The following SANBR variants were observed in gnomAD, a reference collection of about 807,000 sequenced individuals.
The protein encoded by SANBR is SANT and BTB domain regulator of CSR.
A neutral mutation model predicts 101.8 loss-of-function variants in SANBR; 77 were observed. The observed-to-expected ratio is 0.76, with a 90% CI of 0.63 to 0.91. SANBR has a LOEUF of 0.91. SANBR is among the 40% of genes least tolerant of loss of function. The pLI, the probability that SANBR is intolerant of heterozygous loss-of-function variation, is 0.00. For synonymous variants in SANBR, 279 were observed against 274.7 expected (o/e 1.02, Z -0.15); for missense variants, 875 against 853.0 (o/e 1.03, Z -0.32).
chr2:61,084,753 T>C (rs1318792926), intron 8 of SANBR, among the ~76,000 whole-genome samples: 5 of 152,094 alleles, frequency 3.3e-5, no homozygotes, highest in Admixed American at 2.0e-4. Context: ...ATGTGGAGAA[T>C]AGACATTAGG....
intron 13 of SANBR, among the ~76,000 whole-genome samples, chr2:61,105,973 G>T (rs1243031474): frequency 6.6e-6 from 1 of 152,108 alleles, no homozygotes; most frequent in Admixed American, 6.5e-5. Context: ...CCCAGCCAAG[G>T]CTGTTCTTAA....
intron 8 of SANBR, among the ~76,000 whole-genome samples, chr2:61,086,415 T>C: frequency 6.6e-6 from 1 of 152,228 alleles, no homozygotes; most frequent in South Asian, 2.1e-4. Flanking sequence ...TTGTAAATGC[T>C]ACTGTATTTC....
chr2:61,083,236 A>G lies in SANBR; in HGVS notation c.812A>G (p.Asn271Ser). ...TGCAACATGAACTGTATTAATGCAA[A>G]TCTTCTCACACGTATAGCTGATCTG... is the stretch of plus-strand genomic sequence containing the variant. ...TPCNMNCINA[N>S]LLTRIADLFS... is the part of the protein sequence containing the mutation. Residue 271 changes from asparagine to serine, a missense_variant, in exon 8 of 22, where the codon AAT (asparagine) becomes AGT (serine). By Grantham distance (46) the Asn-to-Ser change is conservative. Coordinates refer to ENST00000402291, the MANE Select transcript of SANBR (RefSeq NM_001129993.3). The G allele has an allele frequency of 6.2e-7, 1 of 1,610,788 alleles. No homozygotes were observed.
rs1287722153 is a variant in SANBR at position 61,123,395 on chromosome 2, CTT to C, written c.*1236_*1237del. On this transcript the variant is annotated 3_prime_UTR_variant, in exon 22 of 22. Transcript: ENST00000402291. ...ACAGAAATCATTCTTTTTAGTGAGT[CTT>C]TTAGTTGATAAATGAAGCTAGATGT... 3 of 984,306 alleles carry C rather than the reference CTT, an allele frequency of 3.0e-6. No individual in the cohort carries two copies. The highest frequency in any genetic ancestry group is 4.7e-5 in the South Asian group (1 of 21,268). The allele number at this position is 984,306 out of a possible 1,614,324, so 61.0% of individuals were successfully genotyped here.
Position 61,076,935 on chromosome 2 carries a change from C to T in SANBR, c.447C>T (p.Ile149=), listed in dbSNP as rs1369306978. 6.2e-7 allele frequency: 1 copy of T among 1,612,780 alleles called. No individual in the cohort carries two copies. Among genetic ancestry groups the T allele is most frequent in the Admixed American group, 1.7e-5 (1 of 59,944 alleles). ...TTTTATGAAGGCCAAACATGGTGAT[C>T]CATGTGTGTGATGAAGCAAAAAACT... is the stretch of plus-strand genomic sequence containing the variant. ...TEESEGPNMV[I]HVCDEAKNLK... The change falls in exon 6 of 22, where the codon ATC becomes ATT. Residue 149 remains isoleucine (I), a synonymous_variant. Coordinates refer to ENST00000402291, the MANE Select transcript of SANBR (RefSeq NM_001129993.3).
At chr2:61,126,432 C>T (rs572381389), downstream of SANBR, among the ~76,000 whole-genome samples, 6 of 152,224 alleles carry the variant, frequency 3.9e-5, no homozygotes, top group South Asian at 2.1e-4. Flanking sequence ...AAGCGACGTT[C>T]GTGATTTTTC....
rs181385069 is a variant in SANBR at position 61,096,083 on chromosome 2, A to G, written c.1213-1617A>G. The stretch of plus-strand genomic sequence containing the variant: ...GCATGGTATTTCTTACAAACTTTCT[A>G]CCTCCCACTGGCTAATGGAATTGCC... On this transcript the variant is annotated intron_variant, in intron 11 of 21. Transcript: ENST00000402291. 3.3e-5 allele frequency among the ~76,000 whole-genome samples: 5 copies of G among 151,758 alleles called. No homozygotes were observed. In the East Asian group the frequency reaches 9.7e-4, roughly 29 times the overall value.
At chr2:61,110,164 T>G (rs1683761676) in intron 16 of SANBR, among the ~76,000 whole-genome samples, 2 of 152,216 alleles carry the variant, frequency 1.3e-5, no homozygotes, top group Non-Finnish European at 2.9e-5. Flanking sequence ...TCTGGCTTCT[T>G]TCTCTTAGTA....
At position 61,097,721 on chromosome 2, in the gene SANBR, T is replaced by C; in HGVS notation, c.1234T>C (p.Ser412Pro). ...CYQAFLCIEF[S>P]HCQYHSETVV... ...TCAGGCCTTTCTCTGTATTGAATTT[T>C]CACATTGTCAATACCACTCAGAAAC... The change falls in exon 12 of 22, where the codon TCA (serine) becomes CCA (proline). Residue 412 changes from serine (S) to proline (P), a missense_variant. Physicochemically the swap from Ser to Pro is moderately conservative, Grantham distance 74. Transcript: ENST00000402291. 1 of 1,605,192 alleles carries C rather than the reference T, an allele frequency of 6.2e-7. No individual in the cohort carries two copies. Among genetic ancestry groups the C allele is most frequent in the African/African-American group, 1.3e-5 (1 of 74,940 alleles).
downstream of SANBR, among the ~76,000 whole-genome samples, chr2:61,125,255 TTGTTA>T (rs1188236106): frequency 6.6e-6 from 1 of 152,242 alleles, no homozygotes; most frequent in Non-Finnish European, 1.5e-5. Context: ...TATTGTTGCA[TTGTTA>T]TGTTAACATG....
At chr2:61,130,520 T>TA (rs1402470904) in intron 20 of SANBR, among the ~76,000 whole-genome samples, 1 of 152,094 alleles carries the variant, frequency 6.6e-6, no homozygotes, top group Non-Finnish European at 1.5e-5. Context: ...ATCCTCAACA[T>TA]ACGCTAGCAC....
chr2:61,112,678 G>A (rs1218657770), intron 16 of SANBR, among the ~76,000 whole-genome samples: 2 of 152,090 alleles, frequency 1.3e-5, no homozygotes, highest in Admixed American at 1.3e-4. Context: ...ATTTTTAGTA[G>A]AGATGGGGTT....
chr2:61,126,847 A>G (rs1684529288), downstream of SANBR, among the ~76,000 whole-genome samples: 2 of 150,934 alleles, frequency 1.3e-5, no homozygotes, highest in African/African-American at 4.9e-5. Context: ...CTCAGACTTC[A>G]TTTTCCATCT....
chr2:61,100,429 C>T (rs763249377), intron 12 of SANBR, among the ~76,000 whole-genome samples: 4 of 151,952 alleles, frequency 2.6e-5, no homozygotes, highest in African/African-American at 4.8e-5. Flanking sequence ...TACCAGAGAA[C>T]GTTTTAAAAG....
At chr2:61,098,716 G>T (rs1485232648) in intron 12 of SANBR, among the ~76,000 whole-genome samples, 1 of 152,182 alleles carries the variant, frequency 6.6e-6, no homozygotes, top group East Asian at 1.9e-4. Context: ...GTAATTAAAT[G>T]TCACGTGTGA....
chr2:61,075,395 C>T (rs1681713335), intron 5 of SANBR, among the ~76,000 whole-genome samples: 1 of 152,044 alleles, frequency 6.6e-6, no homozygotes, highest in Non-Finnish European at 1.5e-5. Context: ...GTAGCTGGGA[C>T]CACGGGCATG....
intron 3 of SANBR, among the ~76,000 whole-genome samples, chr2:61,071,384 A>T (rs1251814948): frequency 1.3e-5 from 2 of 152,048 alleles, no homozygotes. Flanking sequence ...CCCCGTCTCT[A>T]GTAAAAATCC....
At chr2:61,089,880 ACTC>A (rs1682648348) in intron 10 of SANBR, among the ~76,000 whole-genome samples, 2 of 151,828 alleles carry the variant, frequency 1.3e-5, no homozygotes, top group African/African-American at 4.8e-5. Flanking sequence ...GCAGCCTTGA[ACTC>A]CTGGGCTCAA....
chr2:61,118,036 C>A lies in SANBR; in HGVS notation c.1948C>A (p.Arg650=), dbSNP rs199675675. 5 of 1,612,506 alleles carry A rather than the reference C, an allele frequency of 3.1e-6. No homozygotes were observed. The highest frequency in any genetic ancestry group is 4.2e-6 in the Non-Finnish European group (5 of 1,179,064). ...TGTTTTTTTCCCTTCAGATCAACGG[C>A]GAATGACTGAAATTACAGGGCACCT... is the stretch of plus-strand genomic sequence containing the variant. ...QDAQREDDQR[R]MTEITGHLIK... is the part of the protein sequence containing the mutation. The change falls in exon 20 of 22, where the codon CGA becomes AGA. Residue 650 remains arginine (R), a synonymous_variant. Transcript: ENST00000402291.
Sources: gnomAD v4.1 joint callset for allele counts (sites outside exome capture counted in the v4.1 genomes callset) on GRCh38, gnomAD v4.1.1 for gene constraint, MANE v1.5 for transcripts, NCBI Gene and HGNC (gene_info 2026-07-23, HGNC 2026-07-21) for gene names.